The following SRBD1 variants were observed in gnomAD, a reference collection of about 807,000 sequenced individuals.
SRBD1 encodes S1 RNA-binding domain-containing protein 1.
A neutral mutation model predicts 115.3 loss-of-function variants in SRBD1; 88 were observed. The ratio of observed to expected loss-of-function variants is 0.76; its 90% CI spans 0.64 to 0.91. The LOEUF (loss-of-function observed/expected upper bound fraction) is 0.91, where lower values mean the gene tolerates loss of function less well. Ranked by LOEUF, SRBD1 falls within the 40% of genes least tolerant of loss-of-function variation. SRBD1 has a pLI of 0.00. For synonymous variants in SRBD1, 509 were observed against 407.7 expected (o/e 1.25, Z -2.99); for missense variants, 1,385 against 1,177.4 (o/e 1.18, Z -2.58).
At chr2:45,459,434 T>G (rs1669248790) in intron 16 of SRBD1, among the ~76,000 whole-genome samples, 1 of 152,080 alleles carries the variant, frequency 6.6e-6, no homozygotes, top group South Asian at 2.1e-4. Context: ...CTGTCCTTCC[T>G]TTCAGCAGAA....
chr2:45,524,020 G>A (rs1246223295), intron 14 of SRBD1, among the ~76,000 whole-genome samples: 1 of 151,860 alleles, frequency 6.6e-6, no homozygotes, highest in Non-Finnish European at 1.5e-5. Flanking sequence ...AATTAATACA[G>A]TACATACAAT....
Position 45,456,766 on chromosome 2 carries a change from C to T in SRBD1, c.2049+20227G>A, listed in dbSNP as rs571693105. Among the ~76,000 whole-genome samples, 3 of 151,894 alleles carry T rather than the reference C, an allele frequency of 2.0e-5. No homozygotes were observed. The South Asian group carries it at 6.2e-4, about 32-fold the overall frequency. ...TATAACCCTGTGTCAACATATGATG[C>T]TACTGGGAATGCTAAGTGAATTAAT... On this transcript the variant is annotated intron_variant, in intron 16 of 20. Transcript: ENST00000263736.
Position 45,553,746 on chromosome 2 carries a change from G to A in SRBD1, c.1410-16C>T. The A allele has an allele frequency of 6.5e-7, 1 of 1,527,934 alleles. No individual in the cohort carries two copies. Among genetic ancestry groups the A allele is most frequent in the Non-Finnish European group, 8.8e-7 (1 of 1,132,216 alleles). 94.6% of individuals were successfully genotyped at this position (1,527,934 alleles called of 1,614,324 possible). A position where few individuals can be genotyped will look rare whatever the true frequency, so the allele number is the denominator to read the frequency against. On this transcript the variant is annotated splice_polypyrimidine_tract_variant and intron_variant, in intron 10 of 20. Transcript: ENST00000263736. ...TGGTCTCCACCTGCAAAACAGAAAA[G>A]CCCACACTAAAACTGATGCAACAAT...
chr2:45,482,193 T>C (rs1669986870), intron 15 of SRBD1, among the ~76,000 whole-genome samples: 1 of 152,120 alleles, frequency 6.6e-6, no homozygotes, highest in East Asian at 1.9e-4. Flanking sequence ...TGCCCACATA[T>C]AATGAATGAC....
At chr2:45,530,109 T>C (rs1036449491) in intron 14 of SRBD1, among the ~76,000 whole-genome samples, 1 of 152,014 alleles carries the variant, frequency 6.6e-6, no homozygotes, top group Admixed American at 6.6e-5. Flanking sequence ...AAAACCATTA[T>C]GTTGAAAGGA....
intron 19 of SRBD1, among the ~76,000 whole-genome samples, chr2:45,398,842 G>T (rs1572592823): frequency 6.6e-6 from 1 of 151,926 alleles, no homozygotes; most frequent in Non-Finnish European, 1.5e-5. Context: ...AGAACCACTC[G>T]CTTTATACTG....
rs571329435 is a variant in SRBD1, at chr2:45,488,132, G to A, written c.1966+108C>T. On this transcript the variant is annotated intron_variant, in intron 15 of 20. Coordinates refer to ENST00000263736, the MANE Select transcript of SRBD1 (RefSeq NM_018079.5). ...TTCTAATATGCCAATTCTTATGCAT[G>A]TAGTATAACTTTTAAATTTTCTTTG... 8.9e-5 allele frequency: 75 copies of A among 844,754 alleles called. No individual in the cohort carries two copies. The African/African-American group carries it at 1.1e-3, about 13-fold the overall frequency. The allele number at this position is 844,754 out of a possible 1,614,324, so 52.3% of individuals were successfully genotyped here. A position where few individuals can be genotyped will look rare whatever the true frequency, so the allele number is the denominator to read the frequency against.
intron 14 of SRBD1, among the ~76,000 whole-genome samples, chr2:45,537,559 G>A (rs1255860307): frequency 6.6e-6 from 1 of 152,176 alleles, no homozygotes; most frequent in Non-Finnish European, 1.5e-5. Context: ...TCTAGCTAAA[G>A]CATCAAAGGC....
intron 9 of SRBD1, 118 bp downstream of exon 9, chr2:45,573,089 T>C: frequency 6.1e-6 from 7 of 1,154,562 alleles, no homozygotes; most frequent in Non-Finnish European, 8.1e-6. Flanking sequence ...AGAATTTATA[T>C]AAAGAAAAAA....
At chr2:45,582,202 T>C (rs370294805) in intron 5 of SRBD1, among the ~76,000 whole-genome samples, 1 of 152,166 alleles carries the variant, frequency 6.6e-6, no homozygotes, top group African/African-American at 2.4e-5. Context: ...TCTCCTTGAT[T>C]TTCTTCTCCT....
intron 14 of SRBD1, among the ~76,000 whole-genome samples, chr2:45,527,108 T>C (rs1164107255): frequency 6.6e-6 from 1 of 151,890 alleles, no homozygotes; most frequent in Non-Finnish European, 1.5e-5. Context: ...ATAGTCCTTA[T>C]GGGAGTGCCT....
chr2:45,508,840 A>G (rs1200120786), intron 14 of SRBD1, among the ~76,000 whole-genome samples: 2 of 152,234 alleles, frequency 1.3e-5, no homozygotes, highest in South Asian at 2.1e-4. Context: ...AAAAATGATT[A>G]AAGTCATAAG....
At chr2:45,534,111 A>T (rs1671693787) in intron 14 of SRBD1, among the ~76,000 whole-genome samples, 1 of 152,026 alleles carries the variant, frequency 6.6e-6, no homozygotes, top group African/African-American at 2.4e-5. Flanking sequence ...TTTTATTTTG[A>T]TCAAAAACAG....
chr2:45,590,966 G>A (rs1449643477), intron 4 of SRBD1, among the ~76,000 whole-genome samples: 2 of 150,700 alleles, frequency 1.3e-5, no homozygotes, highest in Admixed American at 6.6e-5. Context: ...GCAGTGAGCC[G>A]AGATTGCAAC....
rs1007622647 is a variant in SRBD1, at chr2:45,389,608, G to C, written c.2699-9C>G. ...ATCAGGTTTATCAAAATCTGTAAGA[G>C]AAAAAAAGTAAGTGTAAATAAGGCA... On this transcript the variant is annotated splice_polypyrimidine_tract_variant and intron_variant, in intron 20 of 20. Coordinates refer to ENST00000263736, the MANE Select transcript of SRBD1 (RefSeq NM_018079.5). 12 of 1,605,024 alleles carry C rather than the reference G, an allele frequency of 7.5e-6. No homozygotes were observed. Among genetic ancestry groups the C allele is most frequent in the Non-Finnish European group, 1.0e-5 (12 of 1,176,804 alleles).
chr2:45,459,648 A>C (rs920705793), intron 16 of SRBD1, among the ~76,000 whole-genome samples: 1 of 152,220 alleles, frequency 6.6e-6, no homozygotes, highest in Non-Finnish European at 1.5e-5. Context: ...AAGTGAAAAC[A>C]CTTTCACATA....
chr2:45,528,025 A>C (rs1671502944), intron 14 of SRBD1, among the ~76,000 whole-genome samples: 1 of 151,908 alleles, frequency 6.6e-6, no homozygotes, highest in African/African-American at 2.4e-5. Flanking sequence ...TTGAATAATA[A>C]AACAATGTTG....
chr2:45,572,455 C>G (rs1389139408), intron 9 of SRBD1, among the ~76,000 whole-genome samples: 1 of 151,828 alleles, frequency 6.6e-6, no homozygotes, highest in East Asian at 1.9e-4. Context: ...CATCTTACCA[C>G]AATTAAACAT....
rs1356985658 is a variant in SRBD1, at chr2:45,422,499, T to C, written c.2050-2605A>G. 3.3e-5 allele frequency among the ~76,000 whole-genome samples: 5 copies of C among 152,182 alleles called. No individual in the cohort carries two copies. The East Asian group carries it at 5.8e-4, about 18-fold the overall frequency. On this transcript the variant is annotated intron_variant, in intron 16 of 20. Transcript: ENST00000263736. Reference sequence around the variant, plus strand: ...CCACCGGCATAAAAAAATAAAGGAATAGAATAAACCACATACAGCATATTG... The same window carrying C: ...CCACCGGCATAAAAAAATAAAGGAACAGAATAAACCACATACAGCATATTG...
Sources: allele counts gnomAD v4.1 joint callset (sites outside exome capture counted in the v4.1 genomes callset), GRCh38; gene constraint gnomAD v4.1.1; transcripts MANE v1.5; gene names NCBI Gene and HGNC (gene_info 2026-07-23, HGNC 2026-07-21).